The following SLC6A11 variants were observed in gnomAD, a reference collection of about 807,000 sequenced individuals.
The protein encoded by SLC6A11 is sodium- and chloride-dependent GABA transporter 3.
In SLC6A11, 25 loss-of-function variants were observed where a neutral mutation model predicts 74.8. The ratio of observed to expected loss-of-function variants is 0.33; its 90% CI spans 0.24 to 0.47. The LOEUF (loss-of-function observed/expected upper bound fraction) is 0.47. Ranked by LOEUF, SLC6A11 falls within the 20% of genes least tolerant of loss-of-function variation. The probability of loss-of-function intolerance (pLI) is 1.00; values close to 1 mark genes in which losing one functional copy is unlikely to be tolerated. For synonymous variants in SLC6A11, 330 were observed against 330.2 expected (o/e 1.00, Z 0.01); for missense variants, 574 against 837.0 (o/e 0.69, Z 3.88).
intron 3 of SLC6A11, among the ~76,000 whole-genome samples, 170 bp downstream of exon 3, chr3:10,820,022 G>A (rs1393581518): frequency 6.6e-6 from 1 of 152,266 alleles, no homozygotes. Context: ...GGTACGTTCT[G>A]TGAGTTGCAG....
chr3:10,885,989 C>T (rs1695037902), intron 6 of SLC6A11, among the ~76,000 whole-genome samples: 1 of 152,208 alleles, frequency 6.6e-6, no homozygotes. Context: ...ACTGTCCTCA[C>T]TCTGGCACTG....
intron 8 of SLC6A11, among the ~76,000 whole-genome samples, chr3:10,921,661 A>G (rs1212180093): frequency 6.6e-6 from 1 of 152,218 alleles, no homozygotes; most frequent in Non-Finnish European, 1.5e-5. Context: ...ATTTAAATGG[A>G]CCAGATACAC....
At chr3:10,855,422 G>GTCT (rs1694627525) in intron 5 of SLC6A11, among the ~76,000 whole-genome samples, 1 of 152,140 alleles carries the variant, frequency 6.6e-6, no homozygotes, top group Non-Finnish European at 1.5e-5. Context: ...ACACCCTGCT[G>GTCT]TCTTCTACTC....
At chr3:10,835,719 C>T (rs1694357961) in intron 4 of SLC6A11, among the ~76,000 whole-genome samples, 1 of 152,160 alleles carries the variant, frequency 6.6e-6, no homozygotes, top group Admixed American at 6.5e-5. Flanking sequence ...TCTGTGGAGC[C>T]TGAGTTTCCT....
chr3:10,831,628 G>C (rs893027462), intron 4 of SLC6A11, among the ~76,000 whole-genome samples: 2 of 152,168 alleles, frequency 1.3e-5, no homozygotes, highest in African/African-American at 2.4e-5. Flanking sequence ...TATAGAGAGA[G>C]AGGCTTACTT....
At chr3:10,870,838 G>T (rs889788959) in intron 5 of SLC6A11, among the ~76,000 whole-genome samples, 1 of 152,126 alleles carries the variant, frequency 6.6e-6, no homozygotes, top group African/African-American at 2.4e-5. Flanking sequence ...GATTTTTTCT[G>T]GGCTAATGCC....
intron 6 of SLC6A11, among the ~76,000 whole-genome samples, chr3:10,879,685 A>G (rs541596717): frequency 1.3e-5 from 2 of 152,340 alleles, no homozygotes; most frequent in East Asian, 3.9e-4. Context: ...GACATAAACC[A>G]TATCAAAATC....
chr3:10,868,906 A>G (rs1694796116), intron 5 of SLC6A11, among the ~76,000 whole-genome samples: 1 of 152,192 alleles, frequency 6.6e-6, no homozygotes, highest in Admixed American at 6.5e-5. Context: ...ATCCTTTGTG[A>G]TGTCCTTGTT....
At chr3:10,891,534 C>T (rs537692552) in intron 6 of SLC6A11, among the ~76,000 whole-genome samples, 22 of 152,260 alleles carry the variant, frequency 1.4e-4, no homozygotes, top group Non-Finnish European at 2.8e-4. Flanking sequence ...GTTTCTTACA[C>T]ATAGAGTAAA....
chr3:10,893,748 C>G (rs968611638), intron 6 of SLC6A11, among the ~76,000 whole-genome samples: 9 of 152,150 alleles, frequency 5.9e-5, no homozygotes, highest in Non-Finnish European at 1.3e-4. Flanking sequence ...ATGCCCACCC[C>G]CTGGACTCTA....
In SLC6A11 at chr3:10,821,275, A is replaced by G. The variant is rs1694134912; in HGVS notation, c.532+1423A>G. The stretch of plus-strand genomic sequence containing the variant: ...TCTGGATGGTCTGAGCAAACACCTT[A>G]TAACTGAGGATAGTCAGGAGATTCC... On this transcript the variant is annotated intron_variant, in intron 3 of 13. Transcript: ENST00000254488. Among the ~76,000 whole-genome samples, 3 of 152,222 alleles carry G rather than the reference A, an allele frequency of 2.0e-5. No individual in the cohort carries two copies. The South Asian group carries it at 6.2e-4, about 32-fold the overall frequency.
intron 3 of SLC6A11, among the ~76,000 whole-genome samples, chr3:10,820,544 C>A (rs888060606): frequency 6.6e-6 from 1 of 152,172 alleles, no homozygotes; most frequent in African/African-American, 2.4e-5. Context: ...TCAATCCAAC[C>A]CAGCTGACAT....
chr3:10,929,334 A>G lies in SLC6A11; in HGVS notation c.1366A>G (p.Thr456Ala). The change falls in exon 10 of 14, where the codon ACA (threonine) becomes GCA (alanine). Residue 456 changes from threonine to alanine, a missense_variant. By Grantham distance (58) the Thr-to-Ala change is moderately conservative. Transcript: ENST00000254488. Reference protein sequence around the residue: ...ISYFLGLVMLTEGGMYIFQLF... With the variant: ...ISYFLGLVMLAEGGMYIFQLF... The stretch of plus-strand genomic sequence containing the variant: ...CTATTTTCTGGGCCTCGTGATGTTA[A>G]CAGAGGTGAGTGGCATGGTTCGGGC... 1 of 1,613,978 alleles carries G rather than the reference A, an allele frequency of 6.2e-7. No individual in the cohort carries two copies.
At chr3:10,894,394 C>T (rs1027610336) in intron 6 of SLC6A11, among the ~76,000 whole-genome samples, 3 of 152,096 alleles carry the variant, frequency 2.0e-5, no homozygotes, top group Non-Finnish European at 4.4e-5. Flanking sequence ...CAGTGAAATC[C>T]GTCTGGACAT....
At chr3:10,848,032 T>G (rs1443167673) in intron 5 of SLC6A11, among the ~76,000 whole-genome samples, 1 of 152,200 alleles carries the variant, frequency 6.6e-6, no homozygotes, top group Admixed American at 6.5e-5. Flanking sequence ...AAGTTCCAGC[T>G]TGCTGCCCAT....
rs1210471783 is a variant in SLC6A11, at chr3:10,819,515, GT to G, written c.314del (p.Phe105SerfsTer34). On this transcript the variant is annotated frameshift_variant, in exon 2 of 14. Coordinates refer to ENST00000254488, the MANE Select transcript of SLC6A11 (RefSeq NM_014229.3). LOFTEE classifies it high-confidence loss of function. The stretch of plus-strand genomic sequence containing the variant: ...GTTTTTTATTTGCTGTGGAATTCCT[GT>G]TTTTTTCCTGGAGACAGCTCTGGGG... ...VVFFICCGIP[V>X]FFLETALGQF... 1.2e-6 allele frequency: 2 copies of G among 1,614,006 alleles called. No homozygotes were observed. The highest frequency in any genetic ancestry group is 1.7e-6 in the Non-Finnish European group (2 of 1,179,962).
Position 10,885,000 on chromosome 3 carries a change from C to T in SLC6A11, c.891+9905C>T, listed in dbSNP as rs112755237. Reference sequence around the variant, plus strand: ...CAGCCTGAACAACTGAGGCACAAGTCGGCCTCCTCCGAGTGAATAGAATAG... The same window carrying T: ...CAGCCTGAACAACTGAGGCACAAGTTGGCCTCCTCCGAGTGAATAGAATAG... On this transcript the variant is annotated intron_variant, in intron 6 of 13. Coordinates refer to ENST00000254488, the MANE Select transcript of SLC6A11 (RefSeq NM_014229.3). Among the ~76,000 whole-genome samples the T allele has an allele frequency of 5.8e-3, 875 of 152,090 alleles. 9 individuals carry two copies. The highest frequency in any genetic ancestry group is 0.017 in the African/African-American group (694 of 41,368).
chr3:10,867,345 A>G (rs1360318287), intron 5 of SLC6A11, among the ~76,000 whole-genome samples: 2 of 152,196 alleles, frequency 1.3e-5, no homozygotes, highest in African/African-American at 2.4e-5. Context: ...TGTGACCTAG[A>G]ATTCCCTAGG....
At chr3:10,841,524 T>C (rs1694437211) in intron 4 of SLC6A11, among the ~76,000 whole-genome samples, 1 of 152,218 alleles carries the variant, frequency 6.6e-6, no homozygotes, top group Non-Finnish European at 1.5e-5. Context: ...TTGAGGATGT[T>C]TTCAAATAGT....
Sources: allele counts gnomAD v4.1 joint callset (sites outside exome capture counted in the v4.1 genomes callset), GRCh38; gene constraint gnomAD v4.1.1; transcripts MANE v1.5; gene names NCBI Gene and HGNC (gene_info 2026-07-23, HGNC 2026-07-21).